Variants in KANK1 observed in about 807,000 individuals in gnomAD.
KANK1 encodes the protein KN motif and ankyrin repeat domains 1, also known as KN motif and ankyrin repeat domain-containing protein 1.
KANK1 carries 109 observed loss-of-function variants against 106.2 expected under a neutral mutation model. The observed-to-expected ratio is 1.03, with a 90% confidence interval of 0.88 to 1.20. The LOEUF (loss-of-function observed/expected upper bound fraction) is 1.20. Ranked by LOEUF, KANK1 falls within the 50% of genes most tolerant of loss-of-function variation. KANK1 has a pLI of 0.00. For missense variants in KANK1, 2,399 were observed against 1,710.7 expected (o/e 1.40, Z -7.10); for synonymous variants, 873 against 652.2 (o/e 1.34, Z -5.16).
In KANK1 at chr9:732,383, A is replaced by C. The variant is rs35290889; in HGVS notation, c.3011A>C (p.Glu1004Ala). Residue 1004 changes from glutamate to alanine, a missense_variant, in exon 6 of 12, where the codon GAA becomes GCA. Transcript: ENST00000382297. ...AAATCCCAATTGCCACCTAGGTATG[A>C]AACAACTTCAAGTGATGATTCCAGC... ...LQFVGINGGY[E>A]TTSSDDSSSD... The C allele has an allele frequency of 1.2e-6, 2 of 1,608,760 alleles. No individual in the cohort carries two copies. The highest frequency in any genetic ancestry group is 1.3e-5 in the African/African-American group (1 of 74,848).
At chr9:692,659 C>A (rs1175545628) in intron 2 of KANK1, among the ~76,000 whole-genome samples, 2 of 151,264 alleles carry the variant, frequency 1.3e-5, no homozygotes, top group African/African-American at 4.9e-5. Context: ...ACTAAAAATT[C>A]TCTTGAGGTT....
chr9:478,824 T>C (rs1156849692), intron 3 of KANK1, among the ~76,000 whole-genome samples: 4 of 152,220 alleles, frequency 2.6e-5, no homozygotes, highest in South Asian at 4.1e-4. Flanking sequence ...TGAAGCCACA[T>C]TTACTTTGCA....
chr9:535,928 A>C (rs1237018831), intron 1 of KANK1, among the ~76,000 whole-genome samples: 2 of 152,152 alleles, frequency 1.3e-5, no homozygotes, highest in African/African-American at 2.4e-5. Context: ...TTCACTACCC[A>C]ATTCCAAAAC....
intron 2 of KANK1, among the ~76,000 whole-genome samples, chr9:705,599 T>TG (rs1239803523): frequency 1.3e-5 from 2 of 148,274 alleles, no homozygotes; most frequent in Non-Finnish European, 3.0e-5. Flanking sequence ...ATATTTTTTT[T>TG]GGGGGGGTGG....
chr9:522,997 A>G (rs1308813413), intron 1 of KANK1, among the ~76,000 whole-genome samples: 2 of 151,696 alleles, frequency 1.3e-5, no homozygotes, highest in East Asian at 3.9e-4. Context: ...GATCATCTGT[A>G]AGGTCTCAGT....
At position 635,302 on chromosome 9, in the gene KANK1, A is replaced by G. The variant is rs552352028; in HGVS notation, c.-83-41588A>G. ...CCTATACCCGAGTTCGCTTTGCTCC[A>G]TGGAACTTTCCTTGCGCACTCCCTG... On this transcript the variant is annotated intron_variant, in intron 1 of 11. Coordinates refer to ENST00000382297, the MANE Select transcript of KANK1 (RefSeq NM_015158.5). Among the ~76,000 whole-genome samples the G allele has an allele frequency of 1.4e-4, 21 of 152,198 alleles. 1 individual carries two copies. Among genetic ancestry groups the G allele is most frequent in the African/African-American group, 3.9e-4 (16 of 41,520 alleles).
chr9:720,542 AG>A (rs774860529), intron 3 of KANK1, among the ~76,000 whole-genome samples: 24 of 152,218 alleles, frequency 1.6e-4, no homozygotes, highest in Admixed American at 7.9e-4. Flanking sequence ...TTTGTTAGAG[AG>A]GGGGGTCTCA....
chr9:476,144 CAAA>C (rs559563234), intron 3 of KANK1, among the ~76,000 whole-genome samples: 2 of 108,754 alleles, frequency 1.8e-5, no homozygotes, highest in Admixed American at 9.5e-5. Flanking sequence ...AACTCCATCT[CAAA>C]AAAAAAAAAA....
At chr9:741,032 C>G in intron 9 of KANK1, 98 bp downstream of exon 9, 4 of 1,366,168 alleles carry the variant, frequency 2.9e-6, no homozygotes, top group Non-Finnish European at 3.0e-6. Context: ...TGCCACGCTT[C>G]CACCACAGTG....
intron 1 of KANK1, among the ~76,000 whole-genome samples, chr9:620,280 C>G (rs1399045307): frequency 6.6e-6 from 1 of 152,168 alleles, no homozygotes; most frequent in Non-Finnish European, 1.5e-5. Context: ...CATTCCTTTC[C>G]CACCCTGTCT....
chr9:529,185 C>T (rs991128871), intron 1 of KANK1, among the ~76,000 whole-genome samples: 6 of 151,842 alleles, frequency 4.0e-5, no homozygotes, highest in Admixed American at 2.6e-4. Flanking sequence ...TCTTTACAGG[C>T]AACTGGTATT....
intron 3 of KANK1, among the ~76,000 whole-genome samples, chr9:724,959 C>T (rs1460404185): frequency 1.3e-5 from 2 of 152,130 alleles, no homozygotes; most frequent in African/African-American, 2.4e-5. Context: ...GTCAAAGGCA[C>T]ATTAGGCATT....
At chr9:593,092 C>G (rs925587757) in intron 1 of KANK1, among the ~76,000 whole-genome samples, 3 of 151,704 alleles carry the variant, frequency 2.0e-5, no homozygotes, top group Non-Finnish European at 4.4e-5. Context: ...TAATTCTGGC[C>G]GCCAGTTTTT....
chr9:651,624 C>G (rs1032853205), intron 1 of KANK1, among the ~76,000 whole-genome samples: 1 of 152,196 alleles, frequency 6.6e-6, no homozygotes, highest in Non-Finnish European at 1.5e-5. Context: ...ACAATGATGT[C>G]TTCAGTCTTA....
intron 9 of KANK1, among the ~76,000 whole-genome samples, chr9:741,910 C>T (rs1835683518): frequency 6.6e-6 from 1 of 152,136 alleles, no homozygotes; most frequent in Non-Finnish European, 1.5e-5. Flanking sequence ...TGACCCACCA[C>T]TCCAGGCCCA....
chr9:622,009 A>G (rs1348866169), intron 1 of KANK1, among the ~76,000 whole-genome samples: 1 of 151,940 alleles, frequency 6.6e-6, no homozygotes, highest in Non-Finnish European at 1.5e-5. Context: ...TTCATTAAAA[A>G]TTTTTCCAGG....
At chr9:615,275 T>G (rs1156460206) in intron 1 of KANK1, among the ~76,000 whole-genome samples, 1 of 152,184 alleles carries the variant, frequency 6.6e-6, no homozygotes, top group Non-Finnish European at 1.5e-5. Flanking sequence ...ATAAATATAT[T>G]TTATTGCATT....
At chr9:709,392 T>C (rs1400521099) in intron 2 of KANK1, among the ~76,000 whole-genome samples, 1 of 152,158 alleles carries the variant, frequency 6.6e-6, no homozygotes, top group Non-Finnish European at 1.5e-5. Context: ...TTGACCTCCA[T>C]TTAGAAAGGC....
intron 8 of KANK1, among the ~76,000 whole-genome samples, chr9:740,471 C>CG (rs1402386657): frequency 1.3e-5 from 2 of 152,176 alleles, no homozygotes; most frequent in African/African-American, 4.8e-5. Flanking sequence ...TTCCAAAAAT[C>CG]GTTTATTCTC....
Sources: allele counts gnomAD v4.1 joint callset (sites outside exome capture counted in the v4.1 genomes callset), GRCh38; gene constraint gnomAD v4.1.1; transcripts MANE v1.5; gene names NCBI Gene and HGNC (gene_info 2026-07-23, HGNC 2026-07-21).